Variants in ZNF280D observed in about 807,000 individuals in gnomAD.
ZNF280D encodes the protein suppressor of hairy wing homolog 4.
In ZNF280D, 39 loss-of-function variants were observed where a neutral mutation model predicts 94.7. The observed-to-expected ratio is 0.41, with a 90% CI of 0.32 to 0.54. The LOEUF (loss-of-function observed/expected upper bound fraction) is 0.54. Ranked by LOEUF, ZNF280D falls within the 20% of genes least tolerant of loss-of-function variation. The pLI is 0.22. For synonymous variants in ZNF280D, 398 were observed against 377.6 expected (o/e 1.05, Z -0.63); for missense variants, 1,090 against 1,149.3 (o/e 0.95, Z 0.75).
intron 1 of ZNF280D, among the ~76,000 whole-genome samples, chr15:56,720,689 GGCA>G (rs767036124): frequency 2.0e-5 from 3 of 152,052 alleles, no homozygotes; most frequent in Non-Finnish European, 4.4e-5. Flanking sequence ...TTGACCCATG[GGCA>G]GCAGAATGGA....
rs1304869618 is a variant in ZNF280D, at chr15:56,666,893, G to C, written c.1639C>G (p.Pro547Ala). The C allele has an allele frequency of 1.2e-6, 2 of 1,613,776 alleles. No individual in the cohort carries two copies. The highest frequency in any genetic ancestry group is 2.2e-5 in the South Asian group (2 of 91,068). ...ASASTLQLSP[P>A]RTKNITAKNP... is the part of the protein sequence containing the mutation. ...TTAGCAGTTATATTTTTAGTCCTTG[G>C]AGGTGAGAGCTGAAGGGTAGAAGCA... Residue 547 changes from proline (P) to alanine (A), a missense_variant, in exon 15 of 22, where the codon CCA becomes GCA. Transcript: ENST00000267807.
At chr15:56,695,845 G>C (rs1234913408) in intron 6 of ZNF280D, among the ~76,000 whole-genome samples, 1 of 151,946 alleles carries the variant, frequency 6.6e-6, no homozygotes, top group East Asian at 1.9e-4. Flanking sequence ...CATTTTTTTA[G>C]GAAATGTTCC....
rs2053371625 is a variant in ZNF280D, at chr15:56,654,033, C to T, written c.2213+165G>A. On this transcript the variant is annotated intron_variant, in intron 19 of 21. Coordinates refer to ENST00000267807, the MANE Select transcript of ZNF280D (RefSeq NM_017661.4). ...TTCCAACTTGTCTTGCACCAGGTCA[C>T]GAGCTCCATAGAGCAGGAACCTATT... 1.4e-5 allele frequency: 20 copies of T among 1,462,832 alleles called. No individual in the cohort carries two copies. In the South Asian group the frequency reaches 1.4e-4, roughly 10 times the overall value. 90.6% of individuals were successfully genotyped at this position (1,462,832 alleles called of 1,614,324 possible).
chr15:56,700,792 T>C (rs1190979729), intron 6 of ZNF280D, 141 bp downstream of exon 6: 3 of 1,546,794 alleles, frequency 1.9e-6, no homozygotes, highest in Admixed American at 2.0e-5. Flanking sequence ...AGCGAAAATA[T>C]GGTGACATTT....
chr15:56,680,425 A>G (rs544306300), intron 10 of ZNF280D, among the ~76,000 whole-genome samples: 6 of 152,190 alleles, frequency 3.9e-5, no homozygotes, highest in Non-Finnish European at 8.8e-5. Flanking sequence ...AATATTATGA[A>G]AGCCTAAACA....
In ZNF280D at chr15:56,707,875, G is replaced by C. The variant is rs138594511; in HGVS notation, c.-85-569C>G. On this transcript the variant is annotated intron_variant, in intron 1 of 21. Transcript: ENST00000267807. ...AAAAATGAGTAAGTCACATTCTTAAGACTTCAGAAGTTTACAATCTAGTAT... is the reference window on the plus strand; with the variant it reads ...AAAAATGAGTAAGTCACATTCTTAACACTTCAGAAGTTTACAATCTAGTAT... 7.0e-3 allele frequency among the ~76,000 whole-genome samples: 1,063 copies of C among 151,574 alleles called. 17 individuals are homozygous for C. Among genetic ancestry groups the C allele is most frequent in the African/African-American group, 0.024 (1,002 of 41,312 alleles).
Position 56,699,392 on chromosome 15 carries a change from TATAA to T in ZNF280D, c.381+1537_381+1540del, listed in dbSNP as rs1238813597. ...ATAACTAACTTTATTATTCCTAAAATATAAATAAAAAATAATGCACATTTTTCAG... is the reference window on the plus strand; with the variant it reads ...ATAACTAACTTTATTATTCCTAAAATATAAAAAATAATGCACATTTTTCAG... On this transcript the variant is annotated intron_variant, in intron 6 of 21. Coordinates refer to ENST00000267807, the MANE Select transcript of ZNF280D (RefSeq NM_017661.4). 5.5e-6 allele frequency: 5 copies of T among 906,322 alleles called. No homozygotes were observed. The African/African-American group carries it at 9.0e-5, about 16-fold the overall frequency. The allele number at this position is 906,322 out of a possible 1,614,324, so 56.1% of individuals were successfully genotyped here.
intron 1 of ZNF280D, among the ~76,000 whole-genome samples, chr15:56,727,173 T>C (rs193025689): frequency 0.012 from 1,775 of 152,300 alleles, 15 homozygotes; most frequent in Middle Eastern, 0.031. Flanking sequence ...CCCTCCCTGT[T>C]ATAAGAAGGA....
intron 10 of ZNF280D, among the ~76,000 whole-genome samples, chr15:56,679,648 A>C (rs1301083528): frequency 6.6e-6 from 1 of 152,238 alleles, no homozygotes; most frequent in Non-Finnish European, 1.5e-5. Context: ...TTGAGAGTAA[A>C]GTTATTCAAC....
chr15:56,642,954 T>TA lies in ZNF280D; in HGVS notation c.2256dup (p.Lys753Ter). ...GTATAAAGTAAAACAAACTTTACCT[T>TA]AGACACAGGTTCTTGTTCCTTTGCG... On this transcript the variant is annotated frameshift_variant, in exon 20 of 22. Transcript: ENST00000267807. LOFTEE classifies it high-confidence loss of function. 1 of 1,504,616 alleles carries TA rather than the reference T, an allele frequency of 6.6e-7. No homozygotes were observed. The highest frequency in any genetic ancestry group is 8.8e-7 in the Non-Finnish European group (1 of 1,131,002). 93.2% of individuals were successfully genotyped at this position (1,504,616 alleles called of 1,614,324 possible). A position where few individuals can be genotyped will look rare whatever the true frequency, so the allele number is the denominator to read the frequency against.
chr15:56,708,232 T>C (rs2057532601), intron 1 of ZNF280D, among the ~76,000 whole-genome samples: 1 of 152,188 alleles, frequency 6.6e-6, no homozygotes, highest in Non-Finnish European at 1.5e-5. Context: ...ATTATTACTT[T>C]AATTTCAGAA....
chr15:56,730,528 T>C (rs1452033051), intron 1 of ZNF280D: 4 of 152,246 alleles, frequency 2.6e-5, no homozygotes, highest in Admixed American at 6.5e-5. Flanking sequence ...ACTGGACAGA[T>C]GTTCCAGTTG....
chr15:56,672,000 G>C (rs1020251188), intron 13 of ZNF280D, among the ~76,000 whole-genome samples: 1 of 152,016 alleles, frequency 6.6e-6, no homozygotes, highest in Admixed American at 6.6e-5. Context: ...TTGGTATATA[G>C]AAAAGCTAGT....
In ZNF280D at chr15:56,631,353, T is replaced by A; in HGVS notation, c.*145A>T. 1.2e-6 allele frequency: 1 copy of A among 823,044 alleles called. No homozygotes were observed. Among genetic ancestry groups the A allele is most frequent in the Non-Finnish European group, 1.9e-6 (1 of 527,836 alleles). 51.0% of individuals were successfully genotyped at this position (823,044 alleles called of 1,614,324 possible). ...TGGTGAATTGATTTGTTTGATAACATAGGTTGAACATACAGGTAAAGTGTA... is the reference window on the plus strand; with the variant it reads ...TGGTGAATTGATTTGTTTGATAACAAAGGTTGAACATACAGGTAAAGTGTA... On this transcript the variant is annotated 3_prime_UTR_variant, in exon 22 of 22. Coordinates refer to ENST00000267807, the MANE Select transcript of ZNF280D (RefSeq NM_017661.4).
At chr15:56,655,785 C>T (rs1328161672) in intron 17 of ZNF280D, among the ~76,000 whole-genome samples, 3 of 152,208 alleles carry the variant, frequency 2.0e-5, no homozygotes, top group Non-Finnish European at 2.9e-5. Flanking sequence ...CTTCAGATAA[C>T]TTAGCCACTA....
At chr15:56,666,582 A>C (rs1381951135) in intron 15 of ZNF280D, 47 bp from the exon 16 acceptor site, 3 of 1,531,458 alleles carry the variant, frequency 2.0e-6, no homozygotes, top group Non-Finnish European at 1.7e-6. Context: ...TTAAAACAAA[A>C]ATAATAAGGA....
At chr15:56,671,692 C>T (rs1378081291) in intron 13 of ZNF280D, among the ~76,000 whole-genome samples, 1 of 151,822 alleles carries the variant, frequency 6.6e-6, no homozygotes, top group Non-Finnish European at 1.5e-5. Flanking sequence ...TTTAAAATGG[C>T]TTTTCCTAGT....
chr15:56,728,031 T>C lies in ZNF280D; in HGVS notation c.-86+5427A>G, dbSNP rs116147609. 4.0e-3 allele frequency among the ~76,000 whole-genome samples: 588 copies of C among 145,224 alleles called. 6 individuals carry two copies. Among genetic ancestry groups the C allele is most frequent in the African/African-American group, 0.014 (570 of 41,116 alleles). ...AAGTGTGTGCTAAAATTTTACTTAA[T>C]ACATTTTTTTTTTTTTAAGAGACAG... On this transcript the variant is annotated intron_variant, in intron 1 of 21. Transcript: ENST00000267807.
intron 16 of ZNF280D, among the ~76,000 whole-genome samples, chr15:56,662,003 A>G (rs2053973794): frequency 6.6e-6 from 1 of 152,184 alleles, no homozygotes. Context: ...CCAGCTTGCC[A>G]TACTTCTTAG....
Sources: gnomAD v4.1 joint callset for allele counts (sites outside exome capture counted in the v4.1 genomes callset) on GRCh38, gnomAD v4.1.1 for gene constraint, MANE v1.5 for transcripts, NCBI Gene and HGNC (gene_info 2026-07-23, HGNC 2026-07-21) for gene names.